Variants in ULK4 observed in about 807,000 individuals in gnomAD.
The protein encoded by ULK4 is inactive serine/threonine-protein kinase ULK4.
A neutral mutation model predicts 160.6 loss-of-function variants in ULK4; 133 were observed. The observed-to-expected ratio is 0.83, with a 90% CI of 0.72 to 0.96. ULK4 has a LOEUF of 0.96. ULK4 is among the 40% of genes least tolerant of loss of function. The probability of loss-of-function intolerance (pLI) is 0.00; values close to 1 mark genes in which losing one functional copy is unlikely to be tolerated. For missense variants in ULK4, 1,580 were observed against 1,499.5 expected (o/e 1.05, Z -0.89); for synonymous variants, 534 against 539.8 (o/e 0.99, Z 0.15).
chr3:41,554,628 A>C (rs1184485714), intron 32 of ULK4, among the ~76,000 whole-genome samples: 2 of 152,166 alleles, frequency 1.3e-5, no homozygotes, highest in African/African-American at 4.8e-5. Context: ...GGAAGGAATA[A>C]GTTCGGTGGT....
intron 31 of ULK4, among the ~76,000 whole-genome samples, chr3:41,585,919 A>G (rs1329579506): frequency 2.0e-5 from 3 of 152,260 alleles, no homozygotes; most frequent in Non-Finnish European, 4.4e-5. Flanking sequence ...GCTCAGCATC[A>G]CTAATTATAA....
intron 31 of ULK4, among the ~76,000 whole-genome samples, chr3:41,575,030 A>G (rs1042869938): frequency 1.3e-5 from 2 of 152,134 alleles, no homozygotes; most frequent in African/African-American, 2.4e-5. Context: ...AGCCACAAAA[A>G]TCATCAGACA....
In ULK4 at chr3:41,828,742, C is replaced by T. The variant is rs550409172; in HGVS notation, c.1764+7122G>A. Reference sequence around the variant, plus strand: ...TGCCCAAGATAATTTATAGATTCAACGCCATCCCCATCAAGCTACCAATGA... The same window carrying T: ...TGCCCAAGATAATTTATAGATTCAATGCCATCCCCATCAAGCTACCAATGA... On this transcript the variant is annotated intron_variant, in intron 18 of 36. Coordinates refer to ENST00000301831, the MANE Select transcript of ULK4 (RefSeq NM_017886.4). 3.1e-3 allele frequency among the ~76,000 whole-genome samples: 478 copies of T among 152,002 alleles called. 2 individuals carry two copies. Among genetic ancestry groups the T allele is most frequent in the African/African-American group, 5.1e-3 (213 of 41,410 alleles).
At position 41,249,569 on chromosome 3, in the gene ULK4, G is replaced by A. The variant is rs555331715; in HGVS notation, c.3684C>T (p.Thr1228=). 4 of 1,613,716 alleles carry A rather than the reference G, an allele frequency of 2.5e-6. No individual in the cohort carries two copies. Among genetic ancestry groups the A allele is most frequent in the Non-Finnish European group, 1.7e-6 (2 of 1,179,894 alleles). ...LLLRILRRMI[T]SNEKHLESLK... ...GGCTCTCCAAGTGCTTCTCATTGGA[G>A]GTGATCTGCAAGGGCAGGAGGAAGA... The change falls in exon 36 of 37, where the codon ACC becomes ACT. Residue 1228 remains threonine, a synonymous_variant. Coordinates refer to ENST00000301831, the MANE Select transcript of ULK4 (RefSeq NM_017886.4).
At chr3:41,789,884 T>A (rs775946172) in intron 20 of ULK4, 41 bp from the exon 21 acceptor site, 1 of 1,461,394 alleles carries the variant, frequency 6.8e-7, no homozygotes, top group Non-Finnish European at 9.1e-7. Context: ...CAACTCCAAG[T>A]GCATCAATCA....
intron 32 of ULK4, among the ~76,000 whole-genome samples, chr3:41,564,449 C>CTTTTTTTTTT (rs71075476): frequency 1.2e-5 from 1 of 80,930 alleles, no homozygotes; most frequent in East Asian, 4.3e-4. Flanking sequence ...TCTTCTTCTT[C>CTTTTTTTTTT]TTTTTTTTTT....
chr3:41,924,879 T>C (rs1455574023), intron 5 of ULK4, among the ~76,000 whole-genome samples: 5 of 152,114 alleles, frequency 3.3e-5, no homozygotes, highest in Non-Finnish European at 7.4e-5. Context: ...TGCCCTTTCC[T>C]ACAACTGCCA....
intron 21 of ULK4, among the ~76,000 whole-genome samples, chr3:41,763,360 A>G (rs77020955): frequency 6.6e-6 from 1 of 152,308 alleles, no homozygotes; most frequent in African/African-American, 2.4e-5. Context: ...GGAAAGTGAT[A>G]AATCAAAATC....
chr3:41,343,277 A>G (rs1575449971), intron 35 of ULK4, among the ~76,000 whole-genome samples: 1 of 143,456 alleles, frequency 7.0e-6, no homozygotes, highest in African/African-American at 2.6e-5. Context: ...AGAAAATGCC[A>G]TTGTCTCAGC....
At chr3:41,919,268 C>T (rs896010277) in intron 6 of ULK4, among the ~76,000 whole-genome samples, 2 of 152,148 alleles carry the variant, frequency 1.3e-5, no homozygotes, top group Admixed American at 1.3e-4. Flanking sequence ...AGATACCAAG[C>T]AACTCAGCCA....
At chr3:41,856,527 A>ATGTATGTG (rs2042343896) in intron 17 of ULK4, among the ~76,000 whole-genome samples, 2 of 125,266 alleles carry the variant, frequency 1.6e-5, no homozygotes, top group Non-Finnish European at 3.2e-5. Flanking sequence ...ATATATATAT[A>ATGTATGTG]TATATGTATG....
intron 31 of ULK4, among the ~76,000 whole-genome samples, chr3:41,578,250 T>C (rs9849388): frequency 0.46 from 70,573 of 152,082 alleles, 17,166 homozygotes; most frequent in African/African-American, 0.6. Flanking sequence ...GTTTATGATA[T>C]GTTTAAAAAT....
intron 34 of ULK4, among the ~76,000 whole-genome samples, chr3:41,415,407 T>C (rs564353873): frequency 2.4e-4 from 37 of 152,192 alleles, no homozygotes; most frequent in African/African-American, 8.9e-4. Context: ...CTTGTGCCCC[T>C]ACAAACCTGT....
intron 21 of ULK4, among the ~76,000 whole-genome samples, chr3:41,780,843 TAATACA>T (rs531408509): frequency 2.5e-4 from 38 of 152,140 alleles, no homozygotes; most frequent in Non-Finnish European, 3.8e-4. Flanking sequence ...TCCTGCTTCA[TAATACA>T]AATAATAGGT....
intron 12 of ULK4, among the ~76,000 whole-genome samples, chr3:41,906,442 C>T (rs1027533317): frequency 1.3e-5 from 2 of 151,936 alleles, no homozygotes; most frequent in Non-Finnish European, 1.5e-5. Context: ...GGCAGGACGA[C>T]CACTGGAGCC....
chr3:41,284,490 G>A (rs554990060), intron 35 of ULK4, among the ~76,000 whole-genome samples: 26 of 152,048 alleles, frequency 1.7e-4, no homozygotes, highest in Non-Finnish European at 3.4e-4. Context: ...AACATAAAGA[G>A]GGGAAAGGAC....
At chr3:41,647,879 C>T (rs1031330052) in intron 30 of ULK4, among the ~76,000 whole-genome samples, 2 of 152,248 alleles carry the variant, frequency 1.3e-5, no homozygotes, top group Non-Finnish European at 2.9e-5. Context: ...GCTTTGTGTA[C>T]CTACGCAAGC....
chr3:41,544,424 C>T (rs564549030), intron 32 of ULK4, among the ~76,000 whole-genome samples: 16 of 152,328 alleles, frequency 1.1e-4, no homozygotes, highest in African/African-American at 3.8e-4. Context: ...CAATTCTGCA[C>T]AGGGCCTCAA....
chr3:41,445,611 C>A (rs2083279711), intron 34 of ULK4, among the ~76,000 whole-genome samples: 1 of 152,116 alleles, frequency 6.6e-6, no homozygotes, highest in Non-Finnish European at 1.5e-5. Context: ...CTGACAAAAA[C>A]AAGAAATGGG....
Sources: allele counts gnomAD v4.1 joint callset (sites outside exome capture counted in the v4.1 genomes callset), GRCh38; gene constraint gnomAD v4.1.1; transcripts MANE v1.5; gene names NCBI Gene and HGNC (gene_info 2026-07-23, HGNC 2026-07-21).